Variants in FAT3 observed in about 807,000 individuals in gnomAD.
The protein encoded by FAT3 is protocadherin Fat 3.
A neutral mutation model predicts 310.2 loss-of-function variants in FAT3; 95 were observed. The observed-to-expected ratio is 0.31, with a 90% CI of 0.26 to 0.36. The LOEUF is 0.36. FAT3 is among the 10% of genes least tolerant of loss of function. The pLI is 1.00. For synonymous variants in FAT3, 2,314 were observed against 2,192.9 expected (o/e 1.06, Z -1.54); for missense variants, 5,408 against 5,715.6 (o/e 0.95, Z 1.74).
rs1298135224 is a variant in FAT3, at chr11:92,354,045, A to G, written c.1933A>G (p.Lys645Glu). The G allele has an allele frequency of 1.2e-6, 2 of 1,613,414 alleles. No homozygotes were observed. Among genetic ancestry groups the G allele is most frequent in the Non-Finnish European group, 1.7e-6 (2 of 1,179,730 alleles). The part of the protein sequence containing the change: ...LKKSLTNSGI[K>E]NGNFALRITA... ...AAAATCACTGACAAATTCTGGCATT[A>G]AAAATGGCAATTTTGCCCTCAGAAT... Residue 645 changes from lysine (K) to glutamate (E), a missense_variant, in exon 2 of 28, where the codon AAA (lysine) becomes GAA (glutamate). By Grantham distance (56) the Lys-to-Glu change is moderately conservative (BLOSUM62 1). This residue lies in a region of FAT3 where 4,588 missense variants were observed against 4,809.8 expected (regional missense o/e 0.95). Coordinates refer to ENST00000525166, the MANE Select transcript of FAT3 (RefSeq NM_001367949.2).
chr11:92,613,688 C>T (rs1023672104), intron 3 of FAT3, among the ~76,000 whole-genome samples: 2 of 152,092 alleles, frequency 1.3e-5, no homozygotes, highest in African/African-American at 2.4e-5. Flanking sequence ...CTCCTCATCA[C>T]GGTATCAGGC....
intron 2 of FAT3, among the ~76,000 whole-genome samples, chr11:92,423,125 G>C (rs1268842183): frequency 1.3e-5 from 2 of 152,152 alleles, no homozygotes; most frequent in African/African-American, 4.8e-5. Flanking sequence ...GAAAATCTCT[G>C]AGACATGCCT....
At chr11:92,444,340 AGAAGATCT>A (rs1951158806) in intron 2 of FAT3, among the ~76,000 whole-genome samples, 1 of 2,948 alleles carries the variant, frequency 3.4e-4, no homozygotes. Context: ...GAAGAAGATC[AGAAGATCT>A]GAACCCCGGT....
At chr11:92,727,372 C>T (rs1945030570) in intron 4 of FAT3, among the ~76,000 whole-genome samples, 1 of 151,922 alleles carries the variant, frequency 6.6e-6, no homozygotes, top group Non-Finnish European at 1.5e-5. Flanking sequence ...ATGGGAGATA[C>T]AGCCTGTCAG....
chr11:92,559,759 CATA>C (rs1173022904), intron 3 of FAT3, among the ~76,000 whole-genome samples: 1 of 152,074 alleles, frequency 6.6e-6, no homozygotes, highest in East Asian at 1.9e-4. Context: ...TTTCACTTAG[CATA>C]ATGTTTTTAA....
chr11:92,709,182 A>C (rs2135943450), intron 4 of FAT3, among the ~76,000 whole-genome samples: 1 of 152,304 alleles, frequency 6.6e-6, no homozygotes, highest in African/African-American at 2.4e-5. Context: ...CGGAATCATA[A>C]CCCCTTTAAG....
At chr11:92,489,584 T>TA (rs1952541066) in intron 2 of FAT3, among the ~76,000 whole-genome samples, 2 of 152,086 alleles carry the variant, frequency 1.3e-5, no homozygotes, top group South Asian at 2.1e-4. Context: ...TACAAATTTT[T>TA]AAAAAAGTAC....
intron 3 of FAT3, among the ~76,000 whole-genome samples, chr11:92,547,495 T>C (rs1028874669): frequency 2.0e-5 from 3 of 152,066 alleles, no homozygotes; most frequent in African/African-American, 7.2e-5. Context: ...TAATAAAATA[T>C]GTTCTGTCTT....
intron 1 of FAT3, among the ~76,000 whole-genome samples, chr11:92,294,032 C>T (rs1325785546): frequency 6.6e-6 from 1 of 152,020 alleles, no homozygotes; most frequent in Non-Finnish European, 1.5e-5. Context: ...CAAAATATCA[C>T]AGACTGGGTG....
intron 2 of FAT3, among the ~76,000 whole-genome samples, chr11:92,371,857 A>G (rs1371219972): frequency 6.6e-6 from 1 of 152,172 alleles, no homozygotes; most frequent in African/African-American, 2.4e-5. Context: ...AGAAAACAGA[A>G]CCTAAAGGAA....
chr11:92,353,586 C>G lies in FAT3; in HGVS notation c.1474C>G (p.Leu492Val). ...NESVPVGTSVLTVSASDKDKG... is the reference protein window; with the variant it reads ...NESVPVGTSVVTVSASDKDKG... ...AAGTGTCCCAGTGGGAACCAGCGTT[C>G]TAACAGTTTCAGCTTCTGATAAGGA... The change falls in exon 2 of 28, where the codon CTA (leucine) becomes GTA (valine). Residue 492 changes from leucine to valine, a missense_variant. Physicochemically the swap from Leu to Val is conservative, Grantham distance 32 (BLOSUM62 1). This residue lies in a region of FAT3 where 4,588 missense variants were observed against 4,809.8 expected (regional missense o/e 0.95). Coordinates refer to ENST00000525166, the MANE Select transcript of FAT3 (RefSeq NM_001367949.2). 1 of 1,613,790 alleles carries G rather than the reference C, an allele frequency of 6.2e-7. No homozygotes were observed. Among genetic ancestry groups the G allele is most frequent in the Non-Finnish European group, 8.5e-7 (1 of 1,179,862 alleles).
intron 1 of FAT3, among the ~76,000 whole-genome samples, chr11:92,293,013 AAAGGAAGGAAGG>A (rs71477581): frequency 0.29 from 31,449 of 110,034 alleles, 5,042 homozygotes; most frequent in East Asian, 0.39. Flanking sequence ...GAGACTCTGC[AAAGGAAGGAAGG>A]AAGGAAGGAA....
At chr11:92,660,142 C>T (rs1942730676) in intron 3 of FAT3, among the ~76,000 whole-genome samples, 1 of 151,570 alleles carries the variant, frequency 6.6e-6, no homozygotes. Flanking sequence ...TACATAATAA[C>T]AATCCAAATA....
intron 4 of FAT3, among the ~76,000 whole-genome samples, chr11:92,724,098 G>A (rs1285601234): frequency 3.3e-5 from 5 of 152,170 alleles, no homozygotes; most frequent in African/African-American, 1.2e-4. Context: ...TTGTTGGTGG[G>A]TTGTGTTGTT....
chr11:92,877,888 G>A (rs1053234289), intron 22 of FAT3, among the ~76,000 whole-genome samples: 1 of 152,138 alleles, frequency 6.6e-6, no homozygotes, highest in Non-Finnish European at 1.5e-5. Flanking sequence ...AATACCTTAA[G>A]TAAAAAATGC....
At chr11:92,674,210 A>AATT (rs1178180033) in intron 3 of FAT3, among the ~76,000 whole-genome samples, 1 of 148,522 alleles carries the variant, frequency 6.7e-6, no homozygotes, top group Non-Finnish European at 1.5e-5. Context: ...TAATAATAAT[A>AATT]ATAATAATAA....
At chr11:92,321,443 A>G (rs1354337401) in intron 1 of FAT3, among the ~76,000 whole-genome samples, 1 of 152,152 alleles carries the variant, frequency 6.6e-6, no homozygotes, top group Admixed American at 6.5e-5. Flanking sequence ...TCTCAAAAAA[A>G]AAAAAAAATT....
chr11:92,288,248 A>G (rs1946606743), intron 1 of FAT3, among the ~76,000 whole-genome samples: 1 of 152,156 alleles, frequency 6.6e-6, no homozygotes, highest in African/African-American at 2.4e-5. Context: ...AAGTAGCCAA[A>G]TTTATACAAT....
In FAT3 at chr11:92,890,703, C is replaced by T. The variant is rs1949898275; in HGVS notation, c.13360C>T (p.Pro4454Ser). ...CTTGAGTCAGGACCAGCTGCCTCCTCCTCTCCCGGAGGACTTCCCAGACCA... is the reference window on the plus strand; with the variant it reads ...CTTGAGTCAGGACCAGCTGCCTCCTTCTCTCCCGGAGGACTTCCCAGACCA... ...EFLSQDQLPP[P>S]LPEDFPDQYE... Residue 4454 changes from proline (P) to serine (S), a missense_variant, in exon 28 of 28, where the codon CCT becomes TCT. By Grantham distance (74) the Pro-to-Ser change is moderately conservative (BLOSUM62 -1). This residue lies in a region of FAT3 where 649 missense variants were observed against 666.2 expected (regional missense o/e 0.97). Transcript: ENST00000525166. The T allele has an allele frequency of 1.9e-6, 3 of 1,613,610 alleles. No homozygotes were observed. The highest frequency in any genetic ancestry group is 1.1e-5 in the South Asian group (1 of 90,994).
Sources: allele counts gnomAD v4.1 joint callset (sites outside exome capture counted in the v4.1 genomes callset), GRCh38; gene constraint gnomAD v4.1.1; regional missense constraint gnomAD v4.1.1; transcripts MANE v1.5; gene names NCBI Gene and HGNC (gene_info 2026-07-23, HGNC 2026-07-21).